Variants in NCEH1 observed in about 807,000 individuals in gnomAD.
The protein encoded by NCEH1 is 2-acetyl MAGE hydrolase.
In NCEH1, 9 loss-of-function variants were observed where a neutral mutation model predicts 25.4. The observed-to-expected ratio is 0.35, with a 90% CI of 0.21 to 0.62. The LOEUF (loss-of-function observed/expected upper bound fraction) is 0.62. NCEH1 is among the 20% of genes least tolerant of loss of function. The probability of loss-of-function intolerance (pLI) is 0.72; values close to 1 mark genes in which losing one functional copy is unlikely to be tolerated. For synonymous variants in NCEH1, 200 were observed against 199.8 expected (o/e 1.00, Z -0.01); for missense variants, 412 against 501.1 (o/e 0.82, Z 1.70).
chr3:172,645,190 C>T (rs1333712083), intron 3 of NCEH1, among the ~76,000 whole-genome samples: 3 of 152,122 alleles, frequency 2.0e-5, no homozygotes, highest in African/African-American at 7.2e-5. Flanking sequence ...CTACTAACCA[C>T]ACCATTAAAA....
intron 1 of NCEH1, among the ~76,000 whole-genome samples, chr3:172,669,226 G>C (rs1179286922): frequency 6.6e-6 from 1 of 152,280 alleles, no homozygotes; most frequent in South Asian, 2.1e-4. Flanking sequence ...TGTTCGTGTG[G>C]GCAGGGCAAC....
chr3:172,686,362 A>G lies in NCEH1; in HGVS notation c.138+24485T>C, dbSNP rs370167990. Among the ~76,000 whole-genome samples, 6 of 152,230 alleles carry G rather than the reference A, an allele frequency of 3.9e-5. No homozygotes were observed. In the South Asian group the frequency reaches 6.2e-4, roughly 16 times the overall value. ...CGGTCTTCCGCACACCAAATACCCA[A>G]CACTTCACCTGGTACTACACATAGT... On this transcript the variant is annotated intron_variant, in intron 1 of 4. Coordinates refer to ENST00000475381, the MANE Select transcript of NCEH1 (RefSeq NM_020792.6).
chr3:172,631,381 AT>A lies in NCEH1; in HGVS notation c.*2093del, dbSNP rs879761635. 1,478 of 146,652 alleles carry A rather than the reference AT, an allele frequency of 0.01. 15 individuals are homozygous for A. The highest frequency in any genetic ancestry group is 0.032 in the African/African-American group (1,301 of 40,376). 9.1% of individuals were successfully genotyped at this position (146,652 alleles called of 1,614,324 possible). ...ATCACAGAATAAGAACTAAAATCCC[AT>A]TTTTTTTTTTTAGGAAAAAAAGACC... is the stretch of plus-strand genomic sequence containing the variant. On this transcript the variant is annotated 3_prime_UTR_variant, in exon 5 of 5. Transcript: ENST00000475381.
In NCEH1 at chr3:172,711,059, T is replaced by A; in HGVS notation, c.-75A>T. The A allele has an allele frequency of 6.2e-7, 1 of 1,608,926 alleles. No homozygotes were observed. The highest frequency in any genetic ancestry group is 8.5e-7 in the Non-Finnish European group (1 of 1,176,154). ...ACCACCCGGAGACCTCCGGCAACTT[T>A]CTGCCCGCGGCAGCTGCTCATTCAC... On this transcript the variant is annotated 5_prime_UTR_variant, in exon 1 of 5. Transcript: ENST00000475381.
At chr3:172,689,351 C>T (rs900525711) in intron 1 of NCEH1, among the ~76,000 whole-genome samples, 2 of 150,534 alleles carry the variant, frequency 1.3e-5, no homozygotes, top group Non-Finnish European at 3.0e-5. Flanking sequence ...CTCCGCCTCC[C>T]GGGTTGAGGC....
chr3:172,633,430 G>A lies in NCEH1; in HGVS notation c.*45C>T. On this transcript the variant is annotated 3_prime_UTR_variant, in exon 5 of 5. Coordinates refer to ENST00000475381, the MANE Select transcript of NCEH1 (RefSeq NM_020792.6). ...AAGTGCATGTCTTTCCAAAGCAGGTGTAGGAGGTCAAGAGGGGCTCGAGGC... is the reference window on the plus strand; with the variant it reads ...AAGTGCATGTCTTTCCAAAGCAGGTATAGGAGGTCAAGAGGGGCTCGAGGC... The A allele has an allele frequency of 6.4e-7, 1 of 1,572,296 alleles. No individual in the cohort carries two copies. The highest frequency in any genetic ancestry group is 1.2e-5 in the South Asian group (1 of 84,236).
intron 1 of NCEH1, among the ~76,000 whole-genome samples, chr3:172,666,670 A>C (rs997915991): frequency 3.9e-5 from 6 of 152,158 alleles, no homozygotes; most frequent in African/African-American, 1.2e-4. Flanking sequence ...CCAGGAATTC[A>C]TTCATCGGAG....
chr3:172,669,247 C>T (rs962353675), intron 1 of NCEH1, among the ~76,000 whole-genome samples: 1 of 152,204 alleles, frequency 6.6e-6, no homozygotes. Context: ...ACGCCAGCTA[C>T]ACTAAATGAG....
chr3:172,657,418 C>G (rs902210112), intron 1 of NCEH1, among the ~76,000 whole-genome samples: 10 of 152,166 alleles, frequency 6.6e-5, no homozygotes, highest in Admixed American at 3.9e-4. Flanking sequence ...AGCTAGAAAC[C>G]TTACTATTGT....
At chr3:172,696,568 C>T (rs1045028410) in intron 1 of NCEH1, among the ~76,000 whole-genome samples, 2 of 152,192 alleles carry the variant, frequency 1.3e-5, no homozygotes, top group Non-Finnish European at 2.9e-5. Flanking sequence ...GCATTTTAAT[C>T]ACTTGCTAGA....
intron 1 of NCEH1, among the ~76,000 whole-genome samples, chr3:172,668,055 T>C (rs34785179): frequency 0.13 from 20,294 of 152,130 alleles, 1,512 homozygotes; most frequent in East Asian, 0.2. Context: ...CAACCATGAT[T>C]GGTACATAAA....
intron 1 of NCEH1, among the ~76,000 whole-genome samples, chr3:172,653,116 G>A (rs1717489801): frequency 6.6e-6 from 1 of 152,128 alleles, no homozygotes; most frequent in Admixed American, 6.6e-5. Context: ...AAGTAAGCTA[G>A]GGCAGTGCTA....
chr3:172,639,181 C>A (rs1242787277), intron 3 of NCEH1, among the ~76,000 whole-genome samples: 1 of 151,764 alleles, frequency 6.6e-6, no homozygotes, highest in Non-Finnish European at 1.5e-5. Flanking sequence ...GCTTGTAATC[C>A]CAGCTACTCG....
chr3:172,707,863 G>A (rs991687416), intron 1 of NCEH1, among the ~76,000 whole-genome samples: 7 of 152,194 alleles, frequency 4.6e-5, no homozygotes, highest in African/African-American at 1.4e-4. Context: ...TGGGATTACA[G>A]GCGTGAGCCA....
rs770319169 is a variant in NCEH1, at chr3:172,711,066, G to C, written c.-82C>G. The C allele has an allele frequency of 1.2e-6, 2 of 1,608,156 alleles. No individual in the cohort carries two copies. Among genetic ancestry groups the C allele is most frequent in the Admixed American group, 1.7e-5 (1 of 59,858 alleles). On this transcript the variant is annotated 5_prime_UTR_variant, in exon 1 of 5. Coordinates refer to ENST00000475381, the MANE Select transcript of NCEH1 (RefSeq NM_020792.6). ...GGAGACCTCCGGCAACTTTCTGCCCGCGGCAGCTGCTCATTCACGCGTTTC... is the reference window on the plus strand; with the variant it reads ...GGAGACCTCCGGCAACTTTCTGCCCCCGGCAGCTGCTCATTCACGCGTTTC...
intron 1 of NCEH1, among the ~76,000 whole-genome samples, chr3:172,667,976 C>G (rs772297433): frequency 5.9e-5 from 9 of 152,156 alleles, no homozygotes; most frequent in Non-Finnish European, 8.8e-5. Flanking sequence ...CTTATTTGGG[C>G]CCCCTTCAAG....
At chr3:172,679,572 C>G (rs185866027) in intron 1 of NCEH1, among the ~76,000 whole-genome samples, 2 of 151,474 alleles carry the variant, frequency 1.3e-5, no homozygotes, top group Admixed American at 6.6e-5. Context: ...CACCTAAACA[C>G]GTACAGATAA....
In NCEH1 at chr3:172,693,449, G is replaced by A. The variant is rs571076349; in HGVS notation, c.138+17398C>T. Among the ~76,000 whole-genome samples the A allele has an allele frequency of 4.9e-5, 7 of 144,038 alleles. No homozygotes were observed. In the South Asian group the frequency reaches 1.4e-3, roughly 29 times the overall value. The allele number at this position is 144,038 out of a possible 152,430, so 94.5% of individuals were successfully genotyped here. On this transcript the variant is annotated intron_variant, in intron 1 of 4. Coordinates refer to ENST00000475381, the MANE Select transcript of NCEH1 (RefSeq NM_020792.6). ...CATGATTGCTTGCCAATCTTCTAAAGCCTGAATATGAAAAAAAAAAAAAAT... is the reference window on the plus strand; with the variant it reads ...CATGATTGCTTGCCAATCTTCTAAAACCTGAATATGAAAAAAAAAAAAAAT...
intron 1 of NCEH1, among the ~76,000 whole-genome samples, chr3:172,675,381 T>A (rs11709501): frequency 0.17 from 26,504 of 151,632 alleles, 2,556 homozygotes; most frequent in Middle Eastern, 0.23. Flanking sequence ...CCAACATGGC[T>A]CATGTATACC....
Sources: allele counts gnomAD v4.1 joint callset (sites outside exome capture counted in the v4.1 genomes callset), GRCh38; gene constraint gnomAD v4.1.1; transcripts MANE v1.5; gene names NCBI Gene and HGNC (gene_info 2026-07-23, HGNC 2026-07-21).